The following SMYD3 variants were observed in gnomAD, a reference collection of about 807,000 sequenced individuals.
SMYD3 encodes SET and MYND domain containing 3, also known as histone-lysine N-methyltransferase SMYD3.
A neutral mutation model predicts 57.7 loss-of-function variants in SMYD3; 36 were observed. That is an observed-to-expected ratio of 0.62 (90% CI 0.48 to 0.82). The LOEUF is 0.82. Ranked by LOEUF, SMYD3 falls within the 40% of genes least tolerant of loss-of-function variation. The pLI is 0.00. For missense variants in SMYD3, 515 were observed against 538.8 expected (o/e 0.96, Z 0.44); for synonymous variants, 211 against 195.0 (o/e 1.08, Z -0.68).
At chr1:246,412,615 T>C (rs976743641) in intron 1 of SMYD3, among the ~76,000 whole-genome samples, 23 of 152,054 alleles carry the variant, frequency 1.5e-4, no homozygotes, top group African/African-American at 5.6e-4. Context: ...GAGAGACACT[T>C]TGGGCAGCCG....
intron 10 of SMYD3, among the ~76,000 whole-genome samples, chr1:245,815,389 C>A (rs189573538): frequency 6.6e-6 from 1 of 152,216 alleles, no homozygotes; most frequent in Admixed American, 6.5e-5. Context: ...TCTCCATGGT[C>A]ATCTAGTCCA....
intron 5 of SMYD3, among the ~76,000 whole-genome samples, chr1:246,234,901 C>G (rs2063489203): frequency 6.6e-6 from 1 of 152,098 alleles, no homozygotes; most frequent in Admixed American, 6.6e-5. Flanking sequence ...AAAACCTGTA[C>G]TGAAGAAGGA....
intron 8 of SMYD3, among the ~76,000 whole-genome samples, chr1:245,900,063 A>G (rs1391501621): frequency 6.6e-6 from 1 of 152,168 alleles, no homozygotes; most frequent in Non-Finnish European, 1.5e-5. Flanking sequence ...ACAATTCCTT[A>G]GAATAAATCT....
Position 246,482,272 on chromosome 1 carries a change from C to A in SMYD3, c.164+24782G>T, listed in dbSNP as rs142808525. Among the ~76,000 whole-genome samples the A allele has an allele frequency of 3.9e-5, 6 of 152,244 alleles. No individual in the cohort carries two copies. In the East Asian group the frequency reaches 1.2e-3, roughly 29 times the overall value. On this transcript the variant is annotated intron_variant, in intron 1 of 11. Transcript: ENST00000490107. ...TAATCTTTACACTAATGGTTATCAC[C>A]TAAGGGCAACATGCAGAAAGCCACA...
At chr1:246,401,815 C>G (rs1005006815) in intron 1 of SMYD3, among the ~76,000 whole-genome samples, 4 of 151,874 alleles carry the variant, frequency 2.6e-5, no homozygotes, top group Non-Finnish European at 2.9e-5. Context: ...CTCCACCTCC[C>G]AGGTCCAAGC....
At chr1:246,026,576 A>G (rs189810046) in intron 5 of SMYD3, among the ~76,000 whole-genome samples, 1 of 152,298 alleles carries the variant, frequency 6.6e-6, no homozygotes, top group East Asian at 1.9e-4. Flanking sequence ...TCACTGTTCT[A>G]TCTGTGATGC....
intron 5 of SMYD3, among the ~76,000 whole-genome samples, chr1:245,999,964 G>A (rs1272471658): frequency 1.3e-5 from 2 of 152,172 alleles, no homozygotes; most frequent in Non-Finnish European, 2.9e-5. Flanking sequence ...TCAACGTTTT[G>A]AATCCTAGTT....
chr1:245,859,593 G>A (rs1221669352), intron 9 of SMYD3, among the ~76,000 whole-genome samples: 1 of 152,180 alleles, frequency 6.6e-6, no homozygotes, highest in Non-Finnish European at 1.5e-5. Context: ...CACAGCGAAG[G>A]CCAGAGTGCA....
At chr1:246,354,678 T>C (rs911198654) in intron 2 of SMYD3, among the ~76,000 whole-genome samples, 3 of 150,128 alleles carry the variant, frequency 2.0e-5, no homozygotes, top group African/African-American at 7.3e-5. Context: ...AGGATGTAGA[T>C]ACACAAATAT....
At chr1:246,345,688 C>T (rs1420085964) in intron 2 of SMYD3, among the ~76,000 whole-genome samples, 7 of 152,154 alleles carry the variant, frequency 4.6e-5, no homozygotes, top group Non-Finnish European at 2.9e-5. Flanking sequence ...GAGAAGACTG[C>T]TCCTGCTCCT....
At chr1:246,265,463 T>G (rs979821757) in intron 5 of SMYD3, among the ~76,000 whole-genome samples, 1 of 152,168 alleles carries the variant, frequency 6.6e-6, no homozygotes, top group African/African-American at 2.4e-5. Flanking sequence ...TTGTTGTTGT[T>G]GTTTGTTTGT....
chr1:245,835,173 G>A (rs2050046684), intron 10 of SMYD3, among the ~76,000 whole-genome samples: 1 of 145,928 alleles, frequency 6.9e-6, no homozygotes. Context: ...AGGCTAGAGT[G>A]CAACAGCGCA....
chr1:245,767,187 G>A (rs563856212), intron 10 of SMYD3, among the ~76,000 whole-genome samples: 7 of 152,140 alleles, frequency 4.6e-5, no homozygotes, highest in African/African-American at 1.4e-4. Context: ...CAAAAAGACG[G>A]TCATCTTTTG....
chr1:246,276,439 TC>T (rs2064334204), intron 5 of SMYD3, among the ~76,000 whole-genome samples: 1 of 147,102 alleles, frequency 6.8e-6, no homozygotes, highest in South Asian at 2.3e-4. Context: ...CTCTGTTTTT[TC>T]ACTAGCTGTA....
rs1372627890 is a variant in SMYD3 at position 246,328,820 on chromosome 1, A to C, written c.395-1483T>G. 4.6e-5 allele frequency among the ~76,000 whole-genome samples: 7 copies of C among 152,036 alleles called. 1 individual carries two copies. The East Asian group carries it at 5.8e-4, about 13-fold the overall frequency. On this transcript the variant is annotated intron_variant, in intron 4 of 11. Coordinates refer to ENST00000490107, the MANE Select transcript of SMYD3 (RefSeq NM_001167740.2). ...TCGTCACTTAGCATTAGATATATAT[A>C]CTAATGCTATCCCTCCCCACTCCCC...
chr1:245,812,719 GAA>G (rs1195943908), intron 10 of SMYD3, among the ~76,000 whole-genome samples: 1 of 113,018 alleles, frequency 8.8e-6, no homozygotes, highest in Non-Finnish European at 1.8e-5. Context: ...AAAAAAAAGA[GAA>G]AGAGCGAGCG....
chr1:245,974,557 C>T (rs1202600803), intron 5 of SMYD3, among the ~76,000 whole-genome samples: 530 of 23,022 alleles, frequency 0.023, 16 homozygotes, highest in African/African-American at 0.1. Flanking sequence ...GTCTCCGGCC[C>T]AGGGAAAGCC....
At chr1:246,326,944 C>G (rs1186673935) in intron 5 of SMYD3, 4 of 488,882 alleles carry the variant, frequency 8.2e-6, no homozygotes, top group African/African-American at 8.0e-5. Context: ...ACTCTTTCTT[C>G]CAAGGGTACA....
intron 5 of SMYD3, among the ~76,000 whole-genome samples, chr1:246,306,618 T>C (rs1253892719): frequency 1.3e-5 from 2 of 152,222 alleles, no homozygotes; most frequent in Non-Finnish European, 2.9e-5. Context: ...CAATTTATTA[T>C]GGTATAAGTA....
Sources: gnomAD v4.1 joint callset for allele counts (sites outside exome capture counted in the v4.1 genomes callset) on GRCh38, gnomAD v4.1.1 for gene constraint, MANE v1.5 for transcripts, NCBI Gene and HGNC (gene_info 2026-07-23, HGNC 2026-07-21) for gene names.